TOMT: variants seen among roughly 807,000 people sequenced by gnomAD.
TOMT encodes the protein transmembrane O-methyltransferase.
TOMT carries 23 observed loss-of-function variants against 21.7 expected under a neutral mutation model. That is an observed-to-expected ratio of 1.06 (90% CI 0.76 to 1.50). The LOEUF (loss-of-function observed/expected upper bound fraction) is 1.50, where lower values mean the gene tolerates loss of function less well. Among genes scored for constraint, TOMT ranks in the 40% most tolerant of loss-of-function variants. TOMT has a pLI of 0.00. For synonymous variants in TOMT, 132 were observed against 150.8 expected (o/e 0.88, Z 0.91); for missense variants, 331 against 348.7 (o/e 0.95, Z 0.41).
chr11:72,107,564 G>A, intron 1 of TOMT: 9 of 702,172 alleles, frequency 1.3e-5, no homozygotes, highest in Non-Finnish European at 2.3e-5. Context: ...GTTTGGGATG[G>A]CTGTGATACA....
In TOMT at chr11:72,106,011, C is replaced by G; in HGVS notation, c.60C>G (p.Tyr20Ter). Residue 20 changes from tyrosine (Y) to a stop codon, truncating the protein, a stop_gained, in exon 1 of 3, where the codon TAC becomes TAG. Transcript: ENST00000541899. LOFTEE classifies it high-confidence loss of function. Reference sequence around the variant, plus strand: ...TGGTGGTAACATTGCTGGTGCGGTACCGGCACTACTTCCGATTGCTGGTGC... The same window carrying G: ...TGGTGGTAACATTGCTGGTGCGGTAGCGGCACTACTTCCGATTGCTGGTGC... 1 of 1,551,068 alleles carries G rather than the reference C, an allele frequency of 6.4e-7. No homozygotes were observed. Among genetic ancestry groups the G allele is most frequent in the Non-Finnish European group, 8.7e-7 (1 of 1,146,990 alleles).
chr11:72,107,653 G>A (rs1270720203), intron 1 of TOMT: 1 of 620,988 alleles, frequency 1.6e-6, no homozygotes, highest in Non-Finnish European at 2.9e-6. Context: ...ATGCCAGGCT[G>A]AGAATCCCAA....
At chr11:72,106,035 G>A (rs1355086913) in exon 1 of TOMT, 2 of 1,551,068 alleles carry the variant, frequency 1.3e-6, no homozygotes, top group East Asian at 2.4e-5. Context: ...GATTGCTGGT[G>A]CGCACGGTCT....
exon 3 of TOMT, chr11:72,109,108 G>A (rs1946060402): frequency 1.7e-6 from 1 of 605,802 alleles, no homozygotes; most frequent in African/African-American, 1.9e-5. Context: ...AGTTCTATCA[G>A]GCTGCTTGGT....
Position 72,107,844 on chromosome 11 carries a change from G to T in TOMT, c.260-79G>T, listed in dbSNP as rs1483828442. 2.0e-6 allele frequency: 3 copies of T among 1,485,302 alleles called. No individual in the cohort carries two copies. The East Asian group carries it at 7.4e-5, about 37-fold the overall frequency. 92.0% of individuals were successfully genotyped at this position (1,485,302 alleles called of 1,614,324 possible). On this transcript the variant is annotated intron_variant, in intron 1 of 2. Coordinates refer to ENST00000541899, the Ensembl canonical transcript of TOMT. ...CTGGTTGGGAGCTGCAGTGAGGCAG[G>T]TAGGCATTTGAGATATCTTTTATCA...
chr11:72,106,365 T>A, intron 1 of TOMT, 155 bp downstream of exon 1: 1 of 778,056 alleles, frequency 1.3e-6, no homozygotes, highest in Non-Finnish European at 1.9e-6. Flanking sequence ...GAGCTTGGAC[T>A]AAGTCATTTA....
chr11:72,107,891 A>G, intron 1 of TOMT, 32 bp from the exon 2 acceptor site: 1 of 1,551,006 alleles, frequency 6.4e-7, no homozygotes, highest in Non-Finnish European at 8.7e-7. Flanking sequence ...TCCATCTCCC[A>G]TGTCTTCTGC....
chr11:72,106,086 C>T lies in TOMT; in HGVS notation c.135C>T (p.Ile45=). The T allele has an allele frequency of 1.9e-6, 3 of 1,549,872 alleles. No individual in the cohort carries two copies. The South Asian group carries it at 3.6e-5, about 18-fold the overall frequency. Residue 45 remains isoleucine, a synonymous_variant, in exon 1 of 3, where the codon ATC becomes ATT. Coordinates refer to ENST00000541899, the Ensembl canonical transcript of TOMT. ...GAGACTGCCTGTCAGGGCTGCGGAT[C>T]GAGGAGCGGGCCTTCAGCTACGTGC...
chr11:72,108,080 T>G, exon 2 of TOMT: 1 of 1,537,608 alleles, frequency 6.5e-7, no homozygotes, highest in Non-Finnish European at 8.8e-7. Flanking sequence ...CAGCAGTGGC[T>G]GAAAAACTCA....
chr11:72,109,182 C>G, exon 3 of TOMT: 1 of 521,180 alleles, frequency 1.9e-6, no homozygotes, highest in South Asian at 2.0e-5. Flanking sequence ...GAGCTCCCGA[C>G]CCAGCTCTGT....
At chr11:72,107,815 C>T in intron 1 of TOMT, 108 bp from the exon 2 acceptor site, 2 of 1,253,332 alleles carry the variant, frequency 1.6e-6, no homozygotes, top group Non-Finnish European at 2.2e-6. Flanking sequence ...AGATGAGACC[C>T]CGGCTGGTTG....
intron 1 of TOMT, chr11:72,107,570 A>G (rs1400405904): frequency 2.9e-6 from 2 of 701,700 alleles, no homozygotes; most frequent in East Asian, 2.7e-5. Flanking sequence ...GATGGCTGTG[A>G]TACAGGCCAC....
exon 3 of TOMT, chr11:72,108,980 G>C (rs1946043315): frequency 6.3e-6 from 9 of 1,420,906 alleles, no homozygotes; most frequent in African/African-American, 5.8e-5. Flanking sequence ...CCCAAGCAGG[G>C]ACCTCAAAAT....
chr11:72,107,983 C>A (rs1164475017), exon 2 of TOMT: 1 of 1,551,738 alleles, frequency 6.4e-7, no homozygotes, highest in Admixed American at 2.0e-5. Context: ...GAATTGGGAA[C>A]CTACTGTGGA....
Position 72,105,955 on chromosome 11 carries a change from T to TC in TOMT, c.8dup (p.Ala4CysfsTer58), listed in dbSNP as rs1192241308. The TC allele has an allele frequency of 6.5e-7, 1 of 1,548,224 alleles. No individual in the cohort carries two copies. Among genetic ancestry groups the TC allele is most frequent in the African/African-American group, 1.4e-5 (1 of 72,970 alleles). Reference sequence around the variant, plus strand: ...CCCCAGGGCCCAGGTAGGGACCATGTCCCCTGCCATTGCATTGGCCTTCCT... The same window carrying TC: ...CCCCAGGGCCCAGGTAGGGACCATGTCCCCCTGCCATTGCATTGGCCTTCCT... On this transcript the variant is annotated frameshift_variant, in exon 1 of 3. Transcript: ENST00000541899. LOFTEE classifies it high-confidence loss of function.
intron 1 of TOMT, 112 bp downstream of exon 1, chr11:72,106,322 T>C (rs1382415488): frequency 4.2e-6 from 5 of 1,177,850 alleles, no homozygotes; most frequent in Non-Finnish European, 5.6e-6. Context: ...GATCCTCTTT[T>C]AGGGCCTCTT....
intron 1 of TOMT, 34 bp from the exon 2 acceptor site, chr11:72,107,889 C>T (rs559262276): frequency 6.4e-7 from 1 of 1,550,884 alleles, no homozygotes; most frequent in African/African-American, 1.4e-5. Flanking sequence ...CATCCATCTC[C>T]CATGTCTTCT....
chr11:72,106,151 C>T, exon 1 of TOMT: 2 of 1,528,650 alleles, frequency 1.3e-6, no homozygotes, highest in Non-Finnish European at 1.8e-6. Context: ...CACATCCTCA[C>T]CACCCTGGAC....
At chr11:72,107,838 AG>A in intron 1 of TOMT, 84 bp from the exon 2 acceptor site, 1 of 1,459,566 alleles carries the variant, frequency 6.9e-7, no homozygotes, top group South Asian at 1.3e-5. Context: ...AGCTGCAGTG[AG>A]GCAGGTAGGC....
Sources: allele counts gnomAD v4.1 joint callset, GRCh38; gene constraint gnomAD v4.1.1; transcripts MANE v1.5; gene names NCBI Gene and HGNC (gene_info 2026-07-23, HGNC 2026-07-21).